The following TMCC1 variants were observed in gnomAD, a reference collection of about 807,000 sequenced individuals.
TMCC1 encodes the protein transmembrane and coiled-coil domain family 1.
In TMCC1, 15 loss-of-function variants were observed where a neutral mutation model predicts 52.4. The ratio of observed to expected loss-of-function variants is 0.29; its 90% CI spans 0.19 to 0.44. The LOEUF is 0.44. Ranked by LOEUF, TMCC1 falls within the 20% of genes least tolerant of loss-of-function variation. The pLI, the probability that TMCC1 is intolerant of heterozygous loss-of-function variation, is 1.00. For missense variants in TMCC1, 503 were observed against 806.0 expected, an observed-to-expected ratio of 0.62 and a Z score of 4.55; for synonymous variants, 279 against 301.9, an observed-to-expected ratio of 0.92 and a Z score of 0.79.
chr3:129,684,874 A>G (rs1385047883), intron 4 of TMCC1, among the ~76,000 whole-genome samples: 2 of 152,214 alleles, frequency 1.3e-5, no homozygotes, highest in African/African-American at 4.8e-5. Context: ...TGTGAAAAAG[A>G]CTGAGGCTTT....
chr3:129,707,793 G>A (rs565234564), intron 4 of TMCC1, among the ~76,000 whole-genome samples: 4 of 152,096 alleles, frequency 2.6e-5, no homozygotes, highest in African/African-American at 7.2e-5. Context: ...TTAGCTGGGC[G>A]TGGTGGCATG....
At position 129,725,207 on chromosome 3, in the gene TMCC1, G is replaced by A. The variant is rs1036917112; in HGVS notation, c.577-53943C>T. 3.3e-5 allele frequency among the ~76,000 whole-genome samples: 5 copies of A among 152,092 alleles called. No homozygotes were observed. The East Asian group carries it at 9.6e-4, about 29-fold the overall frequency. ...CAGCTCACCGCAACCTCCGCCTCCTGGGCTCAGGTGATTCTCCTGCCTCAG... is the reference window on the plus strand; with the variant it reads ...CAGCTCACCGCAACCTCCGCCTCCTAGGCTCAGGTGATTCTCCTGCCTCAG... On this transcript the variant is annotated intron_variant, in intron 4 of 6. Transcript: ENST00000393238.
intron 4 of TMCC1, among the ~76,000 whole-genome samples, chr3:129,729,400 A>G (rs951780253): frequency 3.9e-5 from 6 of 152,244 alleles, no homozygotes; most frequent in Non-Finnish European, 8.8e-5. Context: ...GACATTAAAG[A>G]ATCTTTTGTA....
intron 5 of TMCC1, among the ~76,000 whole-genome samples, chr3:129,660,171 C>G (rs2108859445): frequency 6.6e-6 from 1 of 152,156 alleles, no homozygotes. Context: ...TTGTTTGAGA[C>G]AGGGTTTTCT....
At chr3:129,717,639 G>C (rs1479440468) in intron 4 of TMCC1, among the ~76,000 whole-genome samples, 2 of 152,110 alleles carry the variant, frequency 1.3e-5, no homozygotes, top group Non-Finnish European at 2.9e-5. Flanking sequence ...CAGCTGTTTA[G>C]GTTAAAATCC....
intron 4 of TMCC1, among the ~76,000 whole-genome samples, chr3:129,797,771 C>G (rs570778995): frequency 6.6e-6 from 1 of 152,106 alleles, no homozygotes; most frequent in Non-Finnish European, 1.5e-5. Flanking sequence ...AAATCTTTTA[C>G]TCTTAAAAAC....
intron 2 of TMCC1, among the ~76,000 whole-genome samples, chr3:129,846,346 A>T (rs2059663814): frequency 6.6e-6 from 1 of 152,154 alleles, no homozygotes. Flanking sequence ...TTATCACACT[A>T]CTTATAGAAG....
intron 4 of TMCC1, among the ~76,000 whole-genome samples, chr3:129,761,499 T>C (rs1028481071): frequency 2.6e-5 from 4 of 151,980 alleles, no homozygotes; most frequent in Admixed American, 2.0e-4. Flanking sequence ...GCCTCAACTT[T>C]CTGGGCTCGA....
rs531175468 is a variant in TMCC1, at chr3:129,880,347, T to G, written c.-222A>C. The G allele has an allele frequency of 1.3e-5, 2 of 152,168 alleles. No individual in the cohort carries two copies. The highest frequency in any genetic ancestry group is 2.9e-5 in the Non-Finnish European group (2 of 68,016). 9.4% of individuals were successfully genotyped at this position (152,168 alleles called of 1,614,324 possible). The stretch of plus-strand genomic sequence containing the variant: ...CAGCAATAGCTTCCCTTTCTTTGCA[T>G]AGGTGAGGATGAACAGTTGTAATCC... On this transcript the variant is annotated 5_prime_UTR_variant, in exon 2 of 7. An upstream start codon of the reference 5' UTR is lost. Transcript: ENST00000393238.
At chr3:129,841,922 T>G (rs2059438601) in intron 2 of TMCC1, among the ~76,000 whole-genome samples, 2 of 152,156 alleles carry the variant, frequency 1.3e-5, no homozygotes, top group South Asian at 4.1e-4. Context: ...GTGAGTCAAT[T>G]AAACCTCTTT....
chr3:129,817,536 T>C (rs771772967), intron 4 of TMCC1, among the ~76,000 whole-genome samples: 1 of 152,218 alleles, frequency 6.6e-6, no homozygotes, highest in East Asian at 1.9e-4. Context: ...TATCTTATTA[T>C]CCAAAGGGAA....
intron 2 of TMCC1, among the ~76,000 whole-genome samples, chr3:129,852,130 G>A (rs2059940338): frequency 6.6e-6 from 1 of 152,092 alleles, no homozygotes; most frequent in African/African-American, 2.4e-5. Context: ...TCCAACCTGG[G>A]CAACAGCGTG....
intron 4 of TMCC1, among the ~76,000 whole-genome samples, chr3:129,817,824 C>CT (rs2058178783): frequency 3.3e-5 from 5 of 150,964 alleles, no homozygotes. Flanking sequence ...ATTTTTTTTT[C>CT]TTTTTTGAGA....
intron 4 of TMCC1, among the ~76,000 whole-genome samples, chr3:129,816,007 T>G (rs374522375): frequency 6.6e-6 from 1 of 152,102 alleles, no homozygotes; most frequent in African/African-American, 2.4e-5. Context: ...TCACTAATCA[T>G]CAGAGAAATG....
chr3:129,672,158 G>C (rs1435864272), intron 4 of TMCC1, among the ~76,000 whole-genome samples: 1 of 152,178 alleles, frequency 6.6e-6, no homozygotes. Flanking sequence ...AGATTTAAAA[G>C]CATAAATGTT....
At chr3:129,857,592 C>T (rs1444465539) in intron 2 of TMCC1, among the ~76,000 whole-genome samples, 1 of 151,694 alleles carries the variant, frequency 6.6e-6, no homozygotes, top group African/African-American at 2.4e-5. Flanking sequence ...GACGGAGTCT[C>T]GCTCTGTCAC....
At chr3:129,857,917 G>A (rs2060217045) in intron 2 of TMCC1, among the ~76,000 whole-genome samples, 1 of 152,174 alleles carries the variant, frequency 6.6e-6, no homozygotes, top group South Asian at 2.1e-4. Flanking sequence ...ATAATCCTGT[G>A]AGGTACTTGA....
chr3:129,660,684 T>G (rs1241337264), intron 5 of TMCC1, among the ~76,000 whole-genome samples: 1 of 152,244 alleles, frequency 6.6e-6, no homozygotes, highest in Non-Finnish European at 1.5e-5. Context: ...AATAGTTCCA[T>G]GCACTGGCCA....
At chr3:129,882,209 G>A (rs2061491079) in intron 1 of TMCC1, among the ~76,000 whole-genome samples, 1 of 151,976 alleles carries the variant, frequency 6.6e-6, no homozygotes, top group Non-Finnish European at 1.5e-5. Context: ...ATGGGCAAAG[G>A]ATATTTCTAC....
Sources: allele counts gnomAD v4.1 joint callset (sites outside exome capture counted in the v4.1 genomes callset), GRCh38; gene constraint gnomAD v4.1.1; transcripts MANE v1.5; gene names NCBI Gene and HGNC (gene_info 2026-07-23, HGNC 2026-07-21).